OR10A4: variants seen among roughly 807,000 people sequenced by gnomAD.
The protein encoded by OR10A4 is olfactory receptor family 10 subfamily A member 4.
In OR10A4, 18 loss-of-function variants were observed where a neutral mutation model predicts 15.4. That is an observed-to-expected ratio of 1.17 (90% CI 0.81 to 1.74). The LOEUF is 1.74. OR10A4 is among the 40% of genes most tolerant of loss of function. The probability of loss-of-function intolerance (pLI) is 0.00; values close to 1 mark genes in which losing one functional copy is unlikely to be tolerated. For synonymous variants in OR10A4, 161 were observed against 149.5 expected (o/e 1.08, Z -0.56); for missense variants, 455 against 372.3 (o/e 1.22, Z -1.83).
chr11:6,876,738 C>T lies in OR10A4; in HGVS notation c.91C>T (p.Leu31Phe). Reference protein sequence around the residue: ...STELQALLFLLFLTIYLVTLM... With the variant: ...STELQALLFLFFLTIYLVTLM... ...TGAGCTTCAGGCTCTACTGTTTCTC[C>T]TTTTCTTGACCATTTACTTGGTTAC... The change falls in exon 1 of 1, where the codon CTT becomes TTT. Residue 31 changes from leucine to phenylalanine, a missense_variant. Leu to Phe is a conservative substitution (Grantham distance 22). Coordinates refer to ENST00000379829, the MANE Select transcript of OR10A4 (RefSeq NM_207186.2). 3 of 1,614,114 alleles carry T rather than the reference C, an allele frequency of 1.9e-6. No homozygotes were observed. Among genetic ancestry groups the T allele is most frequent in the Non-Finnish European group, 2.5e-6 (3 of 1,179,948 alleles).
Position 6,877,553 on chromosome 11 carries a change from G to T in OR10A4, c.906G>T (p.Leu302=), listed in dbSNP as rs201578095. 1 of 1,614,118 alleles carries T rather than the reference G, an allele frequency of 6.2e-7. No homozygotes were observed. Residue 302 remains leucine, a synonymous_variant, in exon 1 of 1, where the codon CTG becomes CTT. Transcript: ENST00000379829. ...SSRNKEVKAA[L]KRLIHRTLGS... ...GGAATAAAGAAGTGAAGGCTGCACT[G>T]AAGCGGCTTATCCACAGGACCCTGG...
chr11:6,876,791 G>C lies in OR10A4; in HGVS notation c.144G>C (p.Leu48=). The C allele has an allele frequency of 6.2e-7, 1 of 1,613,890 alleles. No individual in the cohort carries two copies. The highest frequency in any genetic ancestry group is 8.5e-7 in the Non-Finnish European group (1 of 1,179,882). Residue 48 remains leucine (L), a synonymous_variant, in exon 1 of 1, where the codon CTG becomes CTC. Transcript: ENST00000379829. The part of the protein sequence containing the change: ...VTLMGNVLII[L]VTIADSALQS... ...TAATGGGCAATGTCCTCATCATCCT[G>C]GTCACTATAGCTGACTCTGCACTAC...
rs1848492116 is a variant in OR10A4 at position 6,876,927 on chromosome 11, TCCTTCCTTGGATGTG to T, written c.283_297del (p.Phe95_Ala99del). 1 of 1,614,096 alleles carries T rather than the reference TCCTTCCTTGGATGTG, an allele frequency of 6.2e-7. No individual in the cohort carries two copies. Among genetic ancestry groups the T allele is most frequent in the African/African-American group, 1.3e-5 (1 of 74,924 alleles). ...CCTGATCATTCAAGACACAACCATC[TCCTTCCTTGGATGTG>T]CCACTCAGATGTATTTCTTCTTCTT... On this transcript the variant is annotated inframe_deletion, in exon 1 of 1. Transcript: ENST00000379829.
chr11:6,877,420 T>G lies in OR10A4; in HGVS notation c.773T>G (p.Leu258Arg). Residue 258 changes from leucine (L) to arginine (R), a missense_variant, in exon 1 of 1, where the codon CTC becomes CGC. Physicochemically the swap from Leu to Arg is moderately radical, Grantham distance 102 (BLOSUM62 -2). Coordinates refer to ENST00000379829, the MANE Select transcript of OR10A4 (RefSeq NM_207186.2). ...TCTCTCTTCTATAGCACTGCCATCC[T>G]CACGTATTTCCGACCCCAATCCAGT... The part of the protein sequence containing the change: ...VVSLFYSTAI[L>R]TYFRPQSSAS... 6.2e-7 allele frequency: 1 copy of G among 1,614,138 alleles called. No individual in the cohort carries two copies.
chr11:6,877,259 T>G lies in OR10A4; in HGVS notation c.612T>G (p.Thr204=). 6.2e-7 allele frequency: 1 copy of G among 1,614,226 alleles called. No homozygotes were observed. The highest frequency in any genetic ancestry group is 1.6e-4 in the Middle Eastern group (1 of 6,062). Residue 204 remains threonine, a synonymous_variant, in exon 1 of 1, where the codon ACT becomes ACG. Transcript: ENST00000379829. ...TTGAACTGGAGGCTCTGACAGCCAC[T>G]GTCCTATTCATTCTCTTTCCTTTCT... ...SVFELEALTA[T]VLFILFPFLL...
In OR10A4 at chr11:6,876,772, G is replaced by A. The variant is rs1015716841; in HGVS notation, c.125G>A (p.Gly42Asp). Residue 42 changes from glycine (G) to aspartate (D), a missense_variant, in exon 1 of 1, where the codon GGC becomes GAC. Physicochemically the swap from Gly to Asp is moderately conservative, Grantham distance 94 (BLOSUM62 -1). Coordinates refer to ENST00000379829, the MANE Select transcript of OR10A4 (RefSeq NM_207186.2). ...FLTIYLVTLM[G>D]NVLIILVTIA... The stretch of plus-strand genomic sequence containing the variant: ...ACCATTTACTTGGTTACTTTAATGG[G>A]CAATGTCCTCATCATCCTGGTCACT... 1.2e-6 allele frequency: 2 copies of A among 1,613,658 alleles called. No homozygotes were observed. Among genetic ancestry groups the A allele is most frequent in the Admixed American group, 3.3e-5 (2 of 60,020 alleles).
chr11:6,877,227 T>C lies in OR10A4; in HGVS notation c.580T>C (p.Ser194Pro). The C allele has an allele frequency of 1.9e-6, 3 of 1,614,194 alleles. No individual in the cohort carries two copies. Among genetic ancestry groups the C allele is most frequent in the Non-Finnish European group, 1.7e-6 (2 of 1,180,008 alleles). ...TATTGCACTGGTCTGTGCTGACACC[T>C]CTGTGTTTGAACTGGAGGCTCTGAC... ...PVIALVCADT[S>P]VFELEALTAT... The change falls in exon 1 of 1, where the codon TCT (serine) becomes CCT (proline). Residue 194 changes from serine (S) to proline (P), a missense_variant. Physicochemically the swap from Ser to Pro is moderately conservative, Grantham distance 74. Transcript: ENST00000379829.
Position 6,876,948 on chromosome 11 carries a change from C to T in OR10A4, c.301C>T (p.Gln101Ter). The change falls in exon 1 of 1, where the codon CAG becomes TAG. Residue 101 changes from glutamine (Q) to a stop codon, truncating the protein, a stop_gained. Transcript: ENST00000379829. LOFTEE classifies it high-confidence loss of function. ...TTISFLGCAT[Q>*]MYFFFFFGAA... Reference sequence around the variant, plus strand: ...CATCTCCTTCCTTGGATGTGCCACTCAGATGTATTTCTTCTTCTTTTTTGG... The same window carrying T: ...CATCTCCTTCCTTGGATGTGCCACTTAGATGTATTTCTTCTTCTTTTTTGG... 6.2e-7 allele frequency: 1 copy of T among 1,614,224 alleles called. No individual in the cohort carries two copies. Among genetic ancestry groups the T allele is most frequent in the Non-Finnish European group, 8.5e-7 (1 of 1,180,040 alleles).
rs1424551699 is a variant in OR10A4 at position 6,877,336 on chromosome 11, C to T, written c.689C>T (p.Pro230Leu). The T allele has an allele frequency of 3.1e-6, 5 of 1,614,092 alleles. No individual in the cohort carries two copies. The highest frequency in any genetic ancestry group is 1.3e-5 in the African/African-American group (1 of 75,016). The change falls in exon 1 of 1, where the codon CCG becomes CTG. Residue 230 changes from proline (P) to leucine (L), a missense_variant. By Grantham distance (98) the Pro-to-Leu change is moderately conservative. Transcript: ENST00000379829. ...VRILSTIFRM[P>L]SAEGKHQAFS... ...ATCCTCTCCACTATCTTCAGGATGC[C>T]GTCAGCTGAGGGGAAACATCAGGCA... is the stretch of plus-strand genomic sequence containing the variant.
Position 6,877,461 on chromosome 11 carries a change from A to C in OR10A4, c.814A>C (p.Lys272Gln). 1 of 1,614,048 alleles carries C rather than the reference A, an allele frequency of 6.2e-7. No individual in the cohort carries two copies. The highest frequency in any genetic ancestry group is 8.5e-7 in the Non-Finnish European group (1 of 1,179,968). Residue 272 changes from lysine (K) to glutamine (Q), a missense_variant, in exon 1 of 1, where the codon AAG becomes CAG. By Grantham distance (53) the Lys-to-Gln change is moderately conservative. Coordinates refer to ENST00000379829, the MANE Select transcript of OR10A4 (RefSeq NM_207186.2). ...RPQSSASSES[K>Q]KLLSLSSTVV... Reference sequence around the variant, plus strand: ...CCAATCCAGTGCCTCTTCTGAGAGCAAGAAGCTGCTGTCACTCTCTTCCAC... The same window carrying C: ...CCAATCCAGTGCCTCTTCTGAGAGCCAGAAGCTGCTGTCACTCTCTTCCAC...
rs1351316272 is a variant in OR10A4 at position 6,876,902 on chromosome 11, C to G, written c.255C>G (p.Thr85=). The change falls in exon 1 of 1, where the codon ACC becomes ACG. Residue 85 remains threonine, a synonymous_variant. Coordinates refer to ENST00000379829, the MANE Select transcript of OR10A4 (RefSeq NM_207186.2). Reference sequence around the variant, plus strand: ...TCATTGTGCCCAAGATGCTGGGGACCCTGATCATTCAAGACACAACCATCT... The same window carrying G: ...TCATTGTGCCCAAGATGCTGGGGACGCTGATCATTCAAGACACAACCATCT... ...NLVIVPKMLG[T]LIIQDTTISF... is the part of the protein sequence containing the mutation. The G allele has an allele frequency of 6.2e-7, 1 of 1,614,120 alleles. No homozygotes were observed. The highest frequency in any genetic ancestry group is 8.5e-7 in the Non-Finnish European group (1 of 1,179,998).
rs1848499403 is a variant in OR10A4 at position 6,877,526 on chromosome 11, A to G, written c.879A>G (p.Ser293=). 6.2e-7 allele frequency: 1 copy of G among 1,614,114 alleles called. No individual in the cohort carries two copies. Among genetic ancestry groups the G allele is most frequent in the East Asian group, 2.2e-5 (1 of 44,880 alleles). ...TGTTGAACCCCATCATCTACAGCTC[A>G]AGGAATAAAGAAGTGAAGGCTGCAC... ...TPMLNPIIYS[S]RNKEVKAALK... Residue 293 remains serine, a synonymous_variant, in exon 1 of 1, where the codon TCA becomes TCG. Coordinates refer to ENST00000379829, the MANE Select transcript of OR10A4 (RefSeq NM_207186.2).
Position 6,877,168 on chromosome 11 carries a change from G to A in OR10A4, c.521G>A (p.Arg174Lys). ...AGTTTCCCTTTTTGTGGCCCCAACAGGGTGAACCACTTCTTCTGTGACAGC... is the reference window on the plus strand; with the variant it reads ...AGTTTCCCTTTTTGTGGCCCCAACAAGGTGAACCACTTCTTCTGTGACAGC... ...IFSFPFCGPN[R>K]VNHFFCDSPP... The change falls in exon 1 of 1, where the codon AGG (arginine) becomes AAG (lysine). Residue 174 changes from arginine to lysine, a missense_variant. Arg to Lys is a conservative substitution (Grantham distance 26). Coordinates refer to ENST00000379829, the MANE Select transcript of OR10A4 (RefSeq NM_207186.2). 1 of 1,614,196 alleles carries A rather than the reference G, an allele frequency of 6.2e-7. No homozygotes were observed. The highest frequency in any genetic ancestry group is 8.5e-7 in the Non-Finnish European group (1 of 1,180,038).
chr11:6,877,229 TG>T lies in OR10A4; in HGVS notation c.583del (p.Val195CysfsTer7). On this transcript the variant is annotated frameshift_variant, in exon 1 of 1. Coordinates refer to ENST00000379829, the MANE Select transcript of OR10A4 (RefSeq NM_207186.2). LOFTEE classifies it high-confidence loss of function. ...VIALVCADTS[V>X]FELEALTATV... ...TTGCACTGGTCTGTGCTGACACCTC[TG>T]TGTTTGAACTGGAGGCTCTGACAGC... is the stretch of plus-strand genomic sequence containing the variant. 1 of 1,614,224 alleles carries T rather than the reference TG, an allele frequency of 6.2e-7. No individual in the cohort carries two copies. The highest frequency in any genetic ancestry group is 8.5e-7 in the Non-Finnish European group (1 of 1,180,030).
chr11:6,877,067 A>G lies in OR10A4; in HGVS notation c.420A>G (p.Ile140Met). The change falls in exon 1 of 1, where the codon ATA (isoleucine) becomes ATG (methionine). Residue 140 changes from isoleucine (I) to methionine (M), a missense_variant. Transcript: ENST00000379829. ...ACTACCCAGTCATCATGGGCCACAT[A>G]TCCTGTGCCCAGCTGGCAGCTGCCT... ...PLHYPVIMGHISCAQLAAASW... is the reference protein window; with the variant it reads ...PLHYPVIMGHMSCAQLAAASW... 1 of 1,614,176 alleles carries G rather than the reference A, an allele frequency of 6.2e-7. No individual in the cohort carries two copies. Among genetic ancestry groups the G allele is most frequent in the Non-Finnish European group, 8.5e-7 (1 of 1,180,030 alleles).
rs1442644417 is a variant in OR10A4 at position 6,876,636 on chromosome 11, C to T, written c.-12C>T. 1.9e-6 allele frequency: 3 copies of T among 1,577,832 alleles called. No homozygotes were observed. The highest frequency in any genetic ancestry group is 1.7e-5 in the Admixed American group (1 of 58,418). On this transcript the variant is annotated 5_prime_UTR_variant, in exon 1 of 1. Transcript: ENST00000379829. ...TAGATTTTGAATGCCCAGTGAAGTC[C>T]TGGGCAGAAGAATGATGTGGGAAAA...
Position 6,877,291 on chromosome 11 carries a change from T to A in OR10A4, c.644T>A (p.Ile215Asn), listed in dbSNP as rs1848496509. ...TTCATTCTCTTTCCTTTCTTGCTGATCCTGGGATCCTATGTCCGCATCCTC... is the reference window on the plus strand; with the variant it reads ...TTCATTCTCTTTCCTTTCTTGCTGAACCTGGGATCCTATGTCCGCATCCTC... The part of the protein sequence containing the change: ...VLFILFPFLL[I>N]LGSYVRILST... Residue 215 changes from isoleucine to asparagine, a missense_variant, in exon 1 of 1, where the codon ATC (isoleucine) becomes AAC (asparagine). By Grantham distance (149) the Ile-to-Asn change is moderately radical (BLOSUM62 -3). Coordinates refer to ENST00000379829, the MANE Select transcript of OR10A4 (RefSeq NM_207186.2). The A allele has an allele frequency of 1.2e-6, 2 of 1,614,238 alleles. No homozygotes were observed. The highest frequency in any genetic ancestry group is 1.3e-5 in the African/African-American group (1 of 75,060).
chr11:6,877,219 C>G lies in OR10A4; in HGVS notation c.572C>G (p.Ala191Gly). Residue 191 changes from alanine to glycine, a missense_variant, in exon 1 of 1, where the codon GCT becomes GGT. By Grantham distance (60) the Ala-to-Gly change is moderately conservative. Coordinates refer to ENST00000379829, the MANE Select transcript of OR10A4 (RefSeq NM_207186.2). ...DSPPVIALVC[A>G]DTSVFELEAL... ...CCTCCTGTTATTGCACTGGTCTGTG[C>G]TGACACCTCTGTGTTTGAACTGGAG... The G allele has an allele frequency of 6.2e-7, 1 of 1,614,194 alleles. No homozygotes were observed. The highest frequency in any genetic ancestry group is 8.5e-7 in the Non-Finnish European group (1 of 1,180,012).
At position 6,877,583 on chromosome 11, in the gene OR10A4, T is replaced by C; in HGVS notation, c.936T>C (p.Ser312=). 1.9e-6 allele frequency: 3 copies of C among 1,603,648 alleles called. No individual in the cohort carries two copies. The highest frequency in any genetic ancestry group is 1.1e-5 in the South Asian group (1 of 90,024). The change falls in exon 1 of 1, where the codon TCT becomes TCC. Residue 312 remains serine (S), a synonymous_variant. Transcript: ENST00000379829. ...LKRLIHRTLG[S]QKL ...GGCTTATCCACAGGACCCTGGGCTC[T>C]CAGAAACTATGATTGGCTTAGATGG...
Sources: gnomAD v4.1 joint callset for allele counts on GRCh38, gnomAD v4.1.1 for gene constraint, MANE v1.5 for transcripts, NCBI Gene and HGNC (gene_info 2026-07-23, HGNC 2026-07-21) for gene names.